SLC9A6: variants seen among roughly 807,000 people sequenced by gnomAD.
SLC9A6 encodes sodium/hydrogen exchanger 6.
Under a neutral mutation model 45.3 loss-of-function variants are expected in SLC9A6, and 6 were observed. That is an observed-to-expected ratio of 0.13 (90% CI 0.07 to 0.26). SLC9A6 has a LOEUF of 0.26. Among genes scored for constraint, SLC9A6 ranks in the 10% least tolerant of loss-of-function variants. SLC9A6 has a pLI of 1.00. For synonymous variants in SLC9A6, 191 were observed against 187.7 expected, an observed-to-expected ratio of 1.02 and a Z score of -0.14; for missense variants, 278 against 503.7, an observed-to-expected ratio of 0.55 and a Z score of 4.29.
intron 2 of SLC9A6, among the ~76,000 whole-genome samples, chrX:135,991,874 C>T (rs2089437197): frequency 9.0e-6 from 1 of 110,508 alleles, no homozygotes. Flanking sequence ...CTCTAGCAGC[C>T]CCTTAATGTT....
At chrX:136,020,568 G>A (rs2071106437) in intron 11 of SLC9A6, among the ~76,000 whole-genome samples, 1 of 111,057 alleles carries the variant, frequency 9.0e-6, no homozygotes, top group South Asian at 3.7e-4. Flanking sequence ...GCAGGGTTTC[G>A]CCATGTTGGC....
upstream of SLC9A6, among the ~76,000 whole-genome samples, chrX:135,981,287 G>A (rs782647205): frequency 2.7e-5 from 3 of 111,389 alleles, no homozygotes; most frequent in East Asian, 2.8e-4. Flanking sequence ...AACAAAAAGC[G>A]AGGGGGAAAC....
chrX:136,040,100 C>T lies in SLC9A6; in HGVS notation c.1686C>T (p.His562=), dbSNP rs1270958814. 2 of 1,210,740 alleles carry T rather than the reference C, an allele frequency of 1.7e-6. No homozygotes were observed. The highest frequency in any genetic ancestry group is 5.9e-5 in the East Asian group (2 of 33,832). Residue 562 remains histidine, a synonymous_variant, in exon 17 of 18, where the codon CAC becomes CAT. Transcript: ENST00000630721. ...DHNYLKPLLT[H]SGPPLTTTLP... ...GCTATCTGAAGCCTCTGCTGACCCA[C>T]AGCGGGCCTCCGCTGACAACAACAC...
intron 11 of SLC9A6, among the ~76,000 whole-genome samples, chrX:136,017,614 G>A (rs945507586): frequency 2.7e-5 from 3 of 111,260 alleles, no homozygotes; most frequent in East Asian, 2.8e-4. Context: ...TAGAAATGAA[G>A]GCACATTTGT....
intron 2 of SLC9A6, among the ~76,000 whole-genome samples, chrX:135,992,991 G>A (rs2148140958): frequency 8.9e-6 from 1 of 112,052 alleles, no homozygotes; most frequent in East Asian, 2.8e-4. Flanking sequence ...CAATAGGAAG[G>A]TAAAATGCAG....
chrX:136,017,576 C>T (rs371199273), intron 11 of SLC9A6, among the ~76,000 whole-genome samples: 1 of 111,248 alleles, frequency 9.0e-6, no homozygotes, highest in African/African-American at 3.3e-5. Context: ...GACAACTCCA[C>T]CATGACTACA....
intron 10 of SLC9A6, among the ~76,000 whole-genome samples, chrX:136,015,753 A>G (rs1261728052): frequency 9.0e-6 from 1 of 111,542 alleles, no homozygotes; most frequent in African/African-American, 3.3e-5. Context: ...TAATAAGGCA[A>G]CCCTGGTTTA....
At chrX:135,988,752 C>G (rs919890408) in intron 2 of SLC9A6, among the ~76,000 whole-genome samples, 3 of 108,759 alleles carry the variant, frequency 2.8e-5, no homozygotes, top group Non-Finnish European at 5.7e-5. Context: ...GTGTGCATCA[C>G]CACACCTGGC....
chrX:135,975,981 CAAAA>C (rs782541566), intron 1 of SLC9A6, among the ~76,000 whole-genome samples: 1 of 62,463 alleles, frequency 1.6e-5, no homozygotes, highest in Non-Finnish European at 2.8e-5. Context: ...TTTCTCTAAC[CAAAA>C]AAAAAAAAAA....
chrX:136,022,485 GAA>G (rs1556620009), intron 11 of SLC9A6, 99 bp from the exon 12 acceptor site: 1 of 483,908 alleles, frequency 2.1e-6, no homozygotes, highest in African/African-American at 2.4e-5. Flanking sequence ...CTGTGTGTTA[GAA>G]ACTGAGTTCC....
At chrX:136,000,162 G>A (rs1418356236) in intron 6 of SLC9A6, among the ~76,000 whole-genome samples, 3 of 103,092 alleles carry the variant, frequency 2.9e-5, no homozygotes, top group African/African-American at 1.1e-4. Context: ...GAGGTGGGAG[G>A]ACCACTTGAG....
chrX:135,997,974 T>C lies in SLC9A6; in HGVS notation c.370-134T>C, dbSNP rs184638766. ...AGAATAGAAACTATCCTATATGAAA[T>C]ATTTTTAAGTTAGCACAGTAATGTT... On this transcript the variant is annotated intron_variant, in intron 3 of 17. Transcript: ENST00000630721. 8.8e-6 allele frequency: 4 copies of C among 454,576 alleles called. No individual in the cohort carries two copies. The East Asian group carries it at 1.5e-4, about 17-fold the overall frequency. 37.5% of individuals were successfully genotyped at this position (454,576 alleles called of 1,213,427 possible).
chrX:136,000,561 C>T (rs2072731143), intron 6 of SLC9A6, among the ~76,000 whole-genome samples: 1 of 111,925 alleles, frequency 8.9e-6, no homozygotes, highest in Non-Finnish European at 1.9e-5. Flanking sequence ...TTTCAACTTT[C>T]TGGTTTTGTT....
chrX:135,979,099 C>T (rs1556613658), intron 1 of SLC9A6, among the ~76,000 whole-genome samples: 1 of 111,210 alleles, frequency 9.0e-6, no homozygotes, highest in Non-Finnish European at 1.9e-5. Flanking sequence ...GCTGCAGCAC[C>T]CAATTAAAGC....
At chrX:136,012,904 C>G (rs1173878120) in intron 8 of SLC9A6, 45 bp from the exon 9 acceptor site, 1 of 972,366 alleles carries the variant, frequency 1.0e-6, no homozygotes, top group African/African-American at 1.9e-5. Flanking sequence ...TTTCTAGTCA[C>G]ACTTTTGTGT....
intron 6 of SLC9A6, 132 bp from the exon 7 acceptor site, chrX:136,001,976 G>T: frequency 2.0e-6 from 1 of 495,754 alleles, no homozygotes. Flanking sequence ...CTTTAATATG[G>T]TAAGAGAATG....
rs1348936455 is a variant in SLC9A6, at chrX:136,045,584, A to T, written c.*860A>T. The T allele has an allele frequency of 8.9e-6, 1 of 112,236 alleles. No homozygotes were observed. The highest frequency in any genetic ancestry group is 1.9e-5 in the Non-Finnish European group (1 of 53,237). 9.2% of individuals were successfully genotyped at this position (112,236 alleles called of 1,213,427 possible). A position where few individuals can be genotyped will look rare whatever the true frequency, so the allele number is the denominator to read the frequency against. On this transcript the variant is annotated 3_prime_UTR_variant, in exon 18 of 18. Transcript: ENST00000630721. ...AATGTGTAAATATTCTATACCAGAT[A>T]AGTTTAAATAAGAAATTTAATTGCT...
At chrX:135,982,098 G>A (rs192357219), upstream of SLC9A6, among the ~76,000 whole-genome samples, 1 of 111,384 alleles carries the variant, frequency 9.0e-6, no homozygotes, top group African/African-American at 3.3e-5. Flanking sequence ...CCCTTAAAAC[G>A]TGAAAAACAT....
chrX:135,991,295 T>A (rs2148138415), intron 2 of SLC9A6, among the ~76,000 whole-genome samples: 1 of 108,473 alleles, frequency 9.2e-6, no homozygotes, highest in South Asian at 4.1e-4. Flanking sequence ...TTTTGCTCCA[T>A]TGTCCTGGCT....
Sources: gnomAD v4.1 joint callset for allele counts (sites outside exome capture counted in the v4.1 genomes callset) on GRCh38, gnomAD v4.1.1 for gene constraint, MANE v1.5 for transcripts, NCBI Gene and HGNC (gene_info 2026-07-23, HGNC 2026-07-21) for gene names.